The following RIMS2 variants were observed in gnomAD, a reference collection of about 807,000 sequenced individuals.
The protein encoded by RIMS2 is regulating synaptic membrane exocytosis protein 2.
RIMS2 carries 59 observed loss-of-function variants against 174.4 expected under a neutral mutation model. That is an observed-to-expected ratio of 0.34 (90% confidence interval 0.27 to 0.42). RIMS2 has a LOEUF of 0.42. Ranked by LOEUF, RIMS2 falls within the 10% of genes least tolerant of loss-of-function variation. The pLI is 1.00. For missense variants in RIMS2, 1,620 were observed against 1,666.3 expected, an observed-to-expected ratio of 0.97 and a Z score of 0.48; for synonymous variants, 606 against 572.5, an observed-to-expected ratio of 1.06 and a Z score of -0.84.
At chr8:104,041,921 A>T (rs954025400) in intron 19 of RIMS2, among the ~76,000 whole-genome samples, 5 of 151,624 alleles carry the variant, frequency 3.3e-5, no homozygotes, top group Non-Finnish European at 7.4e-5. Context: ...AATGAAGTTT[A>T]TTTCAACTAG....
Position 104,234,717 on chromosome 8 carries a change from T to C in RIMS2, c.3335-10199T>C, listed in dbSNP as rs78897688. 1.4e-4 allele frequency among the ~76,000 whole-genome samples: 21 copies of C among 152,270 alleles called. No individual in the cohort carries two copies. In the East Asian group the frequency reaches 2.5e-3, roughly 18 times the overall value. On this transcript the variant is annotated intron_variant, in intron 19 of 23. Coordinates refer to ENST00000504942, the Ensembl canonical transcript of RIMS2. ...CAGAAGAGTCATAAGCTTTATTTCATCATAAGGTCTTGTTTCTCATTAAAA... is the reference window on the plus strand; with the variant it reads ...CAGAAGAGTCATAAGCTTTATTTCACCATAAGGTCTTGTTTCTCATTAAAA...
chr8:103,526,342 T>C (rs1271075377), intron 1 of RIMS2, among the ~76,000 whole-genome samples: 2 of 152,210 alleles, frequency 1.3e-5, no homozygotes, highest in Non-Finnish European at 2.9e-5. Flanking sequence ...GTAAATTCTT[T>C]CTGGTGGAAG....
At chr8:103,820,117 C>T (rs192213797) in intron 3 of RIMS2, among the ~76,000 whole-genome samples, 7 of 152,094 alleles carry the variant, frequency 4.6e-5, no homozygotes, top group South Asian at 2.1e-4. Context: ...ATTGTGGAAC[C>T]GCGAATAATG....
chr8:104,087,219 A>G lies in RIMS2; in HGVS notation c.3334+72604A>G, dbSNP rs150208956. On this transcript the variant is annotated intron_variant, in intron 19 of 23. Transcript: ENST00000504942. ...AAGCTAAATCATTCCATTCATTTTG[A>G]TCATTAAACATTCATTGAGTTGCTT... Among the ~76,000 whole-genome samples the G allele has an allele frequency of 2.5e-3, 384 of 152,248 alleles. 1 individual carries two copies. The highest frequency in any genetic ancestry group is 4.0e-3 in the Non-Finnish European group (270 of 68,006).
chr8:103,750,485 A>G (rs2097874071), intron 2 of RIMS2, among the ~76,000 whole-genome samples: 1 of 152,132 alleles, frequency 6.6e-6, no homozygotes, highest in East Asian at 1.9e-4. Context: ...TCAATGGATA[A>G]ATATTTGAGG....
chr8:103,963,512 T>C (rs1446441858), intron 15 of RIMS2, among the ~76,000 whole-genome samples: 2 of 152,206 alleles, frequency 1.3e-5, no homozygotes, highest in African/African-American at 4.8e-5. Flanking sequence ...ATATTAACTA[T>C]GCCAGAAGTA....
At chr8:104,056,371 C>G (rs200805848) in intron 19 of RIMS2, among the ~76,000 whole-genome samples, 1 of 151,286 alleles carries the variant, frequency 6.6e-6, no homozygotes, top group African/African-American at 2.4e-5. Context: ...GCCATTGCAC[C>G]CCAGCCTGGG....
chr8:103,967,591 C>T (rs779250166), intron 15 of RIMS2, among the ~76,000 whole-genome samples: 9 of 152,020 alleles, frequency 5.9e-5, no homozygotes, highest in Non-Finnish European at 1.3e-4. Context: ...ATCTCAGGCT[C>T]AAGCAGATCT....
chr8:103,694,828 A>G (rs2097079326), intron 1 of RIMS2, among the ~76,000 whole-genome samples: 1 of 152,158 alleles, frequency 6.6e-6, no homozygotes, highest in Admixed American at 6.5e-5. Flanking sequence ...CCTGGCACTG[A>G]GGGCATTGTA....
intron 3 of RIMS2, among the ~76,000 whole-genome samples, chr8:103,789,043 G>T (rs148272756): frequency 6.6e-6 from 1 of 152,118 alleles, no homozygotes; most frequent in Non-Finnish European, 1.5e-5. Context: ...TCCAGGTGCC[G>T]TCCGTCACCC....
chr8:104,060,813 T>G (rs1382358566), intron 19 of RIMS2, among the ~76,000 whole-genome samples: 1 of 152,218 alleles, frequency 6.6e-6, no homozygotes, highest in East Asian at 1.9e-4. Flanking sequence ...ATTTCTGCCT[T>G]CATTTAGTTA....
At position 103,687,366 on chromosome 8, in the gene RIMS2, A is replaced by AT. The variant is rs36052983; in HGVS notation, c.177-9710dup. Among the ~76,000 whole-genome samples, 1,288 of 148,160 alleles carry AT rather than the reference A, an allele frequency of 8.7e-3. 21 individuals are homozygous for AT. The highest frequency in any genetic ancestry group is 0.03 in the African/African-American group (1,215 of 40,426). On this transcript the variant is annotated intron_variant, in intron 1 of 23. Coordinates refer to ENST00000504942, the Ensembl canonical transcript of RIMS2. ...AACTCGAGGTTTATCAATTTTAGTGATTTTTTTTTTCTTAAATGCTTTTTT... is the reference window on the plus strand; with the variant it reads ...AACTCGAGGTTTATCAATTTTAGTGATTTTTTTTTTTCTTAAATGCTTTTTT...
At chr8:104,144,187 A>G (rs990195859) in intron 19 of RIMS2, among the ~76,000 whole-genome samples, 6 of 152,206 alleles carry the variant, frequency 3.9e-5, no homozygotes, top group African/African-American at 9.6e-5. Flanking sequence ...TTCAACAACT[A>G]TAATTTTGCC....
intron 1 of RIMS2, among the ~76,000 whole-genome samples, chr8:103,667,514 A>C (rs2096686458): frequency 1.3e-5 from 2 of 152,200 alleles, no homozygotes; most frequent in Admixed American, 1.3e-4. Flanking sequence ...CTCTGACATT[A>C]TGAAGCAACA....
At chr8:103,537,049 TAC>T (rs1563686506) in intron 1 of RIMS2, among the ~76,000 whole-genome samples, 1 of 152,242 alleles carries the variant, frequency 6.6e-6, no homozygotes, top group East Asian at 1.9e-4. Context: ...GCACTGGGGA[TAC>T]ATAGATGAAG....
chr8:103,637,317 A>G (rs2096111179), intron 1 of RIMS2, among the ~76,000 whole-genome samples: 1 of 152,212 alleles, frequency 6.6e-6, no homozygotes. Context: ...TAATGTGTTA[A>G]GAATTTTTGC....
intron 3 of RIMS2, among the ~76,000 whole-genome samples, chr8:103,871,090 A>G (rs1393505466): frequency 6.6e-6 from 1 of 152,204 alleles, no homozygotes; most frequent in Admixed American, 6.5e-5. Flanking sequence ...GCAAAGAAGT[A>G]TGATATAAAT....
chr8:103,616,331 A>G (rs1041479332), intron 1 of RIMS2, among the ~76,000 whole-genome samples: 3 of 152,228 alleles, frequency 2.0e-5, no homozygotes, highest in Admixed American at 2.0e-4. Flanking sequence ...TTTTCATGTT[A>G]CAAACTCTGA....
At chr8:104,094,362 T>G in intron 19 of RIMS2, 1 of 551,764 alleles carries the variant, frequency 1.8e-6, no homozygotes, top group Non-Finnish European at 3.2e-6. Flanking sequence ...ATATAATTTT[T>G]ACTTATGTTT....
Sources: gnomAD v4.1 joint callset for allele counts (sites outside exome capture counted in the v4.1 genomes callset) on GRCh38, gnomAD v4.1.1 for gene constraint, MANE v1.5 for transcripts, NCBI Gene and HGNC (gene_info 2026-07-23, HGNC 2026-07-21) for gene names.